The following MID2 variants were observed in gnomAD, a reference collection of about 807,000 sequenced individuals.
The protein encoded by MID2 is probable E3 ubiquitin-protein ligase MID2.
Under a neutral mutation model 46.1 loss-of-function variants are expected in MID2, and 13 were observed. The observed-to-expected ratio is 0.28, with a 90% CI of 0.18 to 0.45. The LOEUF is 0.45. Ranked by LOEUF, MID2 falls within the 20% of genes least tolerant of loss-of-function variation. The pLI, the probability that MID2 is intolerant of heterozygous loss-of-function variation, is 1.00. For missense variants in MID2, 431 were observed against 575.4 expected (o/e 0.75, Z 2.57); for synonymous variants, 199 against 212.3 (o/e 0.94, Z 0.55).
rs1930942708 is a variant in MID2, at chrX:107,826,349, A to G, written c.-78A>G. On this transcript the variant is annotated 5_prime_UTR_variant, in exon 1 of 10. Coordinates refer to ENST00000262843, the MANE Select transcript of MID2 (RefSeq NM_012216.4). ...GCCCGGGAGCTCGCGCCGGAGCCCG[A>G]GCCAACCCGCTGCGGAGGCAGACGA... 1.8e-6 allele frequency: 2 copies of G among 1,095,289 alleles called. No homozygotes were observed. The highest frequency in any genetic ancestry group is 6.1e-5 in the Admixed American group (2 of 32,530). 90.3% of individuals were successfully genotyped at this position (1,095,289 alleles called of 1,213,427 possible).
Position 107,845,523 on chromosome X carries a change from A to ACTCT in MID2, c.720+4139_720+4140insTCTC, listed in dbSNP as rs1193188324. ...CACACACACACACACACACACACAC[A>ACTCT]CACTCTCTCTCTCTCTCTCTCTCTC... On this transcript the variant is annotated intron_variant, in intron 2 of 9. Coordinates refer to ENST00000262843, the MANE Select transcript of MID2 (RefSeq NM_012216.4). 4.2e-3 allele frequency among the ~76,000 whole-genome samples: 359 copies of ACTCT among 85,876 alleles called. 3 individuals carry two copies. The highest frequency in any genetic ancestry group is 0.022 in the African/African-American group (307 of 13,908). 74.6% of individuals were successfully genotyped at this position (85,876 alleles called of 115,157 possible). A position where few individuals can be genotyped will look rare whatever the true frequency, so the allele number is the denominator to read the frequency against.
At chrX:107,885,053 G>A (rs1254467037) in intron 3 of MID2, among the ~76,000 whole-genome samples, 2 of 111,147 alleles carry the variant, frequency 1.8e-5, no homozygotes, top group African/African-American at 3.3e-5. Flanking sequence ...TTCCCAGCAG[G>A]TTGAGATCCC....
In MID2 at chrX:107,860,089, T is replaced by G. The variant is rs1321465972; in HGVS notation, c.816+5385T>G. On this transcript the variant is annotated intron_variant, in intron 3 of 9. Transcript: ENST00000262843. ...AAGGTCAAGGGTCCAGGGTAAAAAG[T>G]GAGGACAAAGAGACCAGTTAGATTT... Among the ~76,000 whole-genome samples, 5 of 111,668 alleles carry G rather than the reference T, an allele frequency of 4.5e-5. No homozygotes were observed. In the East Asian group the frequency reaches 1.4e-3, roughly 31 times the overall value.
rs923319614 is a variant in MID2, at chrX:107,914,192, T to C, written c.1074-1810T>C. On this transcript the variant is annotated intron_variant, in intron 5 of 9. Coordinates refer to ENST00000262843, the MANE Select transcript of MID2 (RefSeq NM_012216.4). ...AAGGCAAGAACCACAGCAAAGCTTGTTCACTTTGTGTATCTCCAGTGCCCA... is the reference window on the plus strand; with the variant it reads ...AAGGCAAGAACCACAGCAAAGCTTGCTCACTTTGTGTATCTCCAGTGCCCA... Among the ~76,000 whole-genome samples the C allele has an allele frequency of 8.0e-5, 9 of 112,528 alleles. No individual in the cohort carries two copies. The South Asian group carries it at 3.0e-3, about 37-fold the overall frequency.
intron 5 of MID2, among the ~76,000 whole-genome samples, chrX:107,912,485 T>C (rs1267631901): frequency 1.8e-5 from 2 of 111,841 alleles, no homozygotes; most frequent in Admixed American, 1.9e-4. Context: ...TTTGTCCTCC[T>C]GAACATTTTT....
chrX:107,896,725 T>C (rs962566293), intron 3 of MID2, among the ~76,000 whole-genome samples: 1 of 111,817 alleles, frequency 8.9e-6, no homozygotes, highest in Admixed American at 9.5e-5. Context: ...ATATTTGCAA[T>C]GGTTAACTCT....
chrX:107,887,648 T>C (rs1932489400), intron 3 of MID2, among the ~76,000 whole-genome samples: 1 of 111,975 alleles, frequency 8.9e-6, no homozygotes, highest in Non-Finnish European at 1.9e-5. Context: ...TAAAATGAGT[T>C]AGGGAGGATT....
intron 1 of MID2, among the ~76,000 whole-genome samples, chrX:107,827,020 G>A (rs374119184): frequency 9.6e-4 from 108 of 112,838 alleles, no homozygotes; most frequent in African/African-American, 3.3e-3. Flanking sequence ...AGCTCTGTGG[G>A]GGAGAGGGAA....
At chrX:107,836,403 G>C (rs956071065) in intron 1 of MID2, among the ~76,000 whole-genome samples, 6 of 110,840 alleles carry the variant, frequency 5.4e-5, no homozygotes, top group African/African-American at 2.0e-4. Flanking sequence ...ACAGGCATGC[G>C]CCACTACGCC....
intron 6 of MID2, 81 bp downstream of exon 6, chrX:107,916,210 C>G: frequency 1.3e-6 from 1 of 780,532 alleles, no homozygotes; most frequent in East Asian, 3.8e-5. Context: ...TTGAAAAAGA[C>G]AATATTTATA....
intron 7 of MID2, among the ~76,000 whole-genome samples, chrX:107,923,228 C>A (rs985765640): frequency 1.8e-5 from 2 of 112,018 alleles, no homozygotes; most frequent in Non-Finnish European, 3.8e-5. Context: ...TGACTGAATT[C>A]ACTGCTTATA....
intron 3 of MID2, among the ~76,000 whole-genome samples, chrX:107,902,895 G>A (rs1483726134): frequency 9.0e-6 from 1 of 111,096 alleles, no homozygotes; most frequent in Non-Finnish European, 1.9e-5. Context: ...TTCCCTGTAT[G>A]ACTGCTCTGT....
intron 5 of MID2, among the ~76,000 whole-genome samples, chrX:107,914,276 A>G (rs1932933727): frequency 8.9e-6 from 1 of 112,255 alleles, no homozygotes; most frequent in African/African-American, 3.2e-5. Context: ...GATGGAGGAA[A>G]TAAAGAAGAT....
chrX:107,881,070 A>G (rs1311322398), intron 3 of MID2, among the ~76,000 whole-genome samples: 2 of 113,195 alleles, frequency 1.8e-5, no homozygotes, highest in Non-Finnish European at 3.7e-5. Flanking sequence ...AACAGTCTCT[A>G]TTTGCCAAGG....
chrX:107,908,128 T>C lies in MID2; in HGVS notation c.1073+2502T>C, dbSNP rs1317520251. Among the ~76,000 whole-genome samples, 8 of 112,474 alleles carry C rather than the reference T, an allele frequency of 7.1e-5. No homozygotes were observed. The East Asian group carries it at 1.9e-3, about 27-fold the overall frequency. ...ACTTTTACAACAAAGCCAAGCAATT[T>C]CAGCTCTATCAGATGTTTTTATTGG... On this transcript the variant is annotated intron_variant, in intron 5 of 9. Transcript: ENST00000262843.
At chrX:107,886,465 C>G (rs1006844545) in intron 3 of MID2, among the ~76,000 whole-genome samples, 1 of 111,874 alleles carries the variant, frequency 8.9e-6, no homozygotes, top group African/African-American at 3.3e-5. Context: ...GGCCTCTGTT[C>G]TGTTCCATTG....
intron 7 of MID2, among the ~76,000 whole-genome samples, chrX:107,922,736 C>T (rs996946332): frequency 8.9e-6 from 1 of 111,832 alleles, no homozygotes; most frequent in Non-Finnish European, 1.9e-5. Flanking sequence ...TACATATATA[C>T]TTTTGGAATT....
At chrX:107,866,474 CACAA>C (rs1931960894) in intron 3 of MID2, among the ~76,000 whole-genome samples, 1 of 77,308 alleles carries the variant, frequency 1.3e-5, no homozygotes, top group African/African-American at 4.7e-5. Flanking sequence ...CACACACACA[CACAA>C]CACTGACCTA....
intron 8 of MID2, 129 bp from the exon 9 acceptor site, chrX:107,925,965 A>T: frequency 2.3e-6 from 1 of 441,091 alleles, no homozygotes; most frequent in Admixed American, 4.5e-5. Flanking sequence ...AACAGCAGCC[A>T]ACTTGCACTG....
Sources: gnomAD v4.1 joint callset for allele counts (sites outside exome capture counted in the v4.1 genomes callset) on GRCh38, gnomAD v4.1.1 for gene constraint, MANE v1.5 for transcripts, NCBI Gene and HGNC (gene_info 2026-07-23, HGNC 2026-07-21) for gene names.